The following UST variants were observed in gnomAD, a reference collection of about 807,000 sequenced individuals.
The protein encoded by UST is uronyl 2-sulfotransferase, also known as chondroitin sulfate 2-O-sulfotransferase.
A neutral mutation model predicts 45.6 loss-of-function variants in UST; 21 were observed. The ratio of observed to expected loss-of-function variants is 0.46; its 90% CI spans 0.33 to 0.66. The LOEUF (loss-of-function observed/expected upper bound fraction) is 0.66. UST is among the 30% of genes least tolerant of loss of function. The probability of loss-of-function intolerance (pLI) is 0.02; values close to 1 mark genes in which losing one functional copy is unlikely to be tolerated. For synonymous variants in UST, 215 were observed against 200.6 expected, an observed-to-expected ratio of 1.07 and a Z score of -0.61; for missense variants, 463 against 512.4, an observed-to-expected ratio of 0.90 and a Z score of 0.93.
At chr6:148,842,879 C>T (rs1254034166) in intron 1 of UST, among the ~76,000 whole-genome samples, 2 of 152,028 alleles carry the variant, frequency 1.3e-5, no homozygotes, top group Non-Finnish European at 2.9e-5. Context: ...ACCACTCTGT[C>T]GCGGTGATGA....
intron 1 of UST, among the ~76,000 whole-genome samples, chr6:148,882,537 C>T: frequency 6.9e-6 from 1 of 144,760 alleles, no homozygotes; most frequent in East Asian, 2.0e-4. Flanking sequence ...GATGTGACAT[C>T]TGATTATGAA....
chr6:148,835,207 G>A (rs73778919), intron 1 of UST, among the ~76,000 whole-genome samples: 2,021 of 152,098 alleles, frequency 0.013, 42 homozygotes, highest in African/African-American at 0.045. Context: ...TTAATACATA[G>A]CATTTACATT....
chr6:148,868,265 T>C (rs1051519399), intron 1 of UST, among the ~76,000 whole-genome samples: 4 of 152,216 alleles, frequency 2.6e-5, no homozygotes, highest in African/African-American at 7.2e-5. Flanking sequence ...ACAAGTAAGT[T>C]GATGTTAAGT....
intron 1 of UST, among the ~76,000 whole-genome samples, chr6:148,794,942 C>T (rs536140415): frequency 9.8e-5 from 15 of 152,292 alleles, no homozygotes; most frequent in East Asian, 3.9e-4. Context: ...GCCTCTTTGA[C>T]GGCTGCGTTG....
chr6:148,896,470 G>A lies in UST; in HGVS notation c.291+9441G>A, dbSNP rs116957982. ...GCTAAGAGGGTGCCCCTGGTTCCAC[G>A]CTCCTATTCATTGTTCTGTAAAGAA... On this transcript the variant is annotated intron_variant, in intron 2 of 7. Transcript: ENST00000367463. Among the ~76,000 whole-genome samples, 47 of 152,226 alleles carry A rather than the reference G, an allele frequency of 3.1e-4. 1 individual carries two copies. Among genetic ancestry groups the A allele is most frequent in the Non-Finnish European group, 5.3e-4 (36 of 68,022 alleles).
chr6:149,022,244 A>G (rs1775991300), intron 7 of UST, among the ~76,000 whole-genome samples: 1 of 152,164 alleles, frequency 6.6e-6, no homozygotes, highest in South Asian at 2.1e-4. Flanking sequence ...ACATTCAGTG[A>G]TCTGTTTATT....
chr6:148,852,740 G>A (rs903630651), intron 1 of UST, among the ~76,000 whole-genome samples: 4 of 151,922 alleles, frequency 2.6e-5, no homozygotes, highest in East Asian at 1.9e-4. Flanking sequence ...CATCTTCCCC[G>A]GGAATCCTTT....
intron 7 of UST, among the ~76,000 whole-genome samples, chr6:149,029,388 A>G (rs1305182432): frequency 6.9e-6 from 1 of 145,844 alleles, no homozygotes; most frequent in African/African-American, 2.5e-5. Context: ...TATATATTGT[A>G]TGTTATATAT....
At chr6:149,056,720 G>A (rs1776571356) in intron 7 of UST, among the ~76,000 whole-genome samples, 1 of 152,150 alleles carries the variant, frequency 6.6e-6, no homozygotes, top group Admixed American at 6.5e-5. Flanking sequence ...ACTACCAGTG[G>A]GCTACAGGTT....
chr6:148,808,230 C>T (rs1263017884), intron 1 of UST, among the ~76,000 whole-genome samples: 16 of 152,204 alleles, frequency 1.1e-4, no homozygotes, highest in Admixed American at 1.0e-3. Flanking sequence ...TAGTGCCCCT[C>T]TTGGGGACAT....
chr6:148,995,047 CAG>C (rs753575944), intron 5 of UST, among the ~76,000 whole-genome samples: 19 of 151,538 alleles, frequency 1.3e-4, no homozygotes, highest in Non-Finnish European at 2.5e-4. Flanking sequence ...GTGTGTGAGA[CAG>C]AGTCTCACTC....
intron 7 of UST, among the ~76,000 whole-genome samples, chr6:149,060,037 T>C (rs1485759709): frequency 2.6e-5 from 4 of 152,148 alleles, no homozygotes; most frequent in African/African-American, 9.7e-5. Context: ...CTTCCAAAAA[T>C]CCAAGCAAAG....
At chr6:148,971,064 CA>C (rs1238694250) in intron 5 of UST, among the ~76,000 whole-genome samples, 1 of 152,132 alleles carries the variant, frequency 6.6e-6, no homozygotes, top group Non-Finnish European at 1.5e-5. Context: ...GATAACTTAG[CA>C]GGGGGGAGAG....
At chr6:148,750,540 C>T (rs1045496498) in intron 1 of UST, among the ~76,000 whole-genome samples, 9 of 152,170 alleles carry the variant, frequency 5.9e-5, no homozygotes, top group African/African-American at 2.2e-4. Flanking sequence ...GACTTCAACC[C>T]ATGTCTGTCT....
chr6:149,070,267 T>G (rs1249684069), intron 7 of UST, among the ~76,000 whole-genome samples: 1 of 152,200 alleles, frequency 6.6e-6, no homozygotes, highest in Non-Finnish European at 1.5e-5. Flanking sequence ...TTTCATAAGA[T>G]TTTTTAGCTC....
At position 148,876,072 on chromosome 6, in the gene UST, T is replaced by C. The variant is rs377427018; in HGVS notation, c.248-10914T>C. Among the ~76,000 whole-genome samples the C allele has an allele frequency of 2.7e-3, 409 of 152,346 alleles. 2 individuals are homozygous for C. Among genetic ancestry groups the C allele is most frequent in the African/African-American group, 8.9e-3 (368 of 41,580 alleles). ...AGGAGGTTTAATTGGTTCGTGGTTCTGTAGGCTGTACAGAAAGTATGGTGC... is the reference window on the plus strand; with the variant it reads ...AGGAGGTTTAATTGGTTCGTGGTTCCGTAGGCTGTACAGAAAGTATGGTGC... On this transcript the variant is annotated intron_variant, in intron 1 of 7. Coordinates refer to ENST00000367463, the MANE Select transcript of UST (RefSeq NM_005715.3).
At chr6:148,840,948 A>T (rs954616105) in intron 1 of UST, among the ~76,000 whole-genome samples, 1 of 151,766 alleles carries the variant, frequency 6.6e-6, no homozygotes, top group African/African-American at 2.4e-5. Context: ...TGTCCTTACC[A>T]TGCTGTAGCC....
chr6:148,792,300 T>G (rs1776864358), intron 1 of UST, among the ~76,000 whole-genome samples: 1 of 152,212 alleles, frequency 6.6e-6, no homozygotes, highest in Non-Finnish European at 1.5e-5. Flanking sequence ...AGTTTCATAC[T>G]TGACCAAAAA....
intron 3 of UST, among the ~76,000 whole-genome samples, chr6:148,946,836 A>G (rs1017550196): frequency 7.0e-6 from 1 of 143,558 alleles, no homozygotes; most frequent in Non-Finnish European, 1.6e-5. Context: ...AAAAAAAAAA[A>G]AAAAAAGGTG....
Sources: gnomAD v4.1 joint callset for allele counts (sites outside exome capture counted in the v4.1 genomes callset) on GRCh38, gnomAD v4.1.1 for gene constraint, MANE v1.5 for transcripts, NCBI Gene and HGNC (gene_info 2026-07-23, HGNC 2026-07-21) for gene names.